The following AKAP12 variants were observed in gnomAD, a reference collection of about 807,000 sequenced individuals.
AKAP12 encodes A-kinase anchoring protein 12.
Under a neutral mutation model 79.9 loss-of-function variants are expected in AKAP12, and 32 were observed. The ratio of observed to expected loss-of-function variants is 0.40; its 90% CI spans 0.30 to 0.54. The LOEUF is 0.54. Ranked by LOEUF, AKAP12 falls within the 20% of genes least tolerant of loss-of-function variation. AKAP12 has a pLI of 0.48. For synonymous variants in AKAP12, 808 were observed against 857.0 expected, an observed-to-expected ratio of 0.94 and a Z score of 1.00; for missense variants, 2,074 against 2,177.0, an observed-to-expected ratio of 0.95 and a Z score of 0.94.
At chr6:151,311,043 A>G (rs1300249260) in intron 3 of AKAP12, among the ~76,000 whole-genome samples, 4 of 152,100 alleles carry the variant, frequency 2.6e-5, no homozygotes, top group Non-Finnish European at 5.9e-5. Context: ...TCATGGTTCG[A>G]CGTAGCCTCA....
chr6:151,258,232 A>G (rs947288365), intron 2 of AKAP12, among the ~76,000 whole-genome samples: 21 of 152,246 alleles, frequency 1.4e-4, no homozygotes, highest in Admixed American at 1.3e-3. Context: ...GGAAGGTCAC[A>G]CAGAGCCTTC....
chr6:151,297,019 G>GTTT lies in AKAP12; in HGVS notation c.163-8713_163-8711dup, dbSNP rs36046672. On this transcript the variant is annotated intron_variant, in intron 2 of 4. Coordinates refer to ENST00000402676, the MANE Select transcript of AKAP12 (RefSeq NM_005100.4). The stretch of plus-strand genomic sequence containing the variant: ...TGTATGCCTAGGTTGAAATAAAAGG[G>GTTT]TTTTTTTTTTTTTTTTTGCCAGTCT... Among the ~76,000 whole-genome samples the GTTT allele has an allele frequency of 7.9e-3, 1,004 of 127,628 alleles. 22 individuals are homozygous for GTTT. The highest frequency in any genetic ancestry group is 0.025 in the African/African-American group (893 of 35,034). 83.7% of individuals were successfully genotyped at this position (127,628 alleles called of 152,430 possible).
At chr6:151,282,054 C>A (rs912596000) in intron 2 of AKAP12, among the ~76,000 whole-genome samples, 3 of 151,620 alleles carry the variant, frequency 2.0e-5, no homozygotes, top group Non-Finnish European at 4.4e-5. Context: ...CCTCTTCCCC[C>A]TCCTGTTCCC....
chr6:151,288,079 G>C (rs1293072981), intron 2 of AKAP12, among the ~76,000 whole-genome samples: 10 of 152,050 alleles, frequency 6.6e-5, no homozygotes, highest in African/African-American at 2.4e-4. Context: ...TGGGGGGCTA[G>C]GGGAGGGATG....
chr6:151,270,356 C>T (rs554638328), intron 2 of AKAP12, among the ~76,000 whole-genome samples: 3 of 152,348 alleles, frequency 2.0e-5, no homozygotes, highest in African/African-American at 7.2e-5. Context: ...CTGAGCCCAG[C>T]TGGTTTTTTA....
chr6:151,336,631 G>C (rs1269309890), intron 3 of AKAP12, among the ~76,000 whole-genome samples: 1 of 152,128 alleles, frequency 6.6e-6, no homozygotes, highest in East Asian at 1.9e-4. Flanking sequence ...TGTAATCCTA[G>C]CTACTCGGGA....
rs866494011 is a variant in AKAP12 at position 151,323,510 on chromosome 6, G to A, written c.319+17607G>A. ...AGAGGTTGCAATGAGCCGAGATCGC[G>A]TCATTGCACCCCAGCCTGGGTGACA... On this transcript the variant is annotated intron_variant, in intron 3 of 4. Transcript: ENST00000402676. Among the ~76,000 whole-genome samples, 12 of 150,986 alleles carry A rather than the reference G, an allele frequency of 7.9e-5. No homozygotes were observed. The South Asian group carries it at 1.7e-3, about 21-fold the overall frequency.
intron 2 of AKAP12, among the ~76,000 whole-genome samples, chr6:151,283,646 C>G (rs900916732): frequency 2.6e-5 from 4 of 152,166 alleles, no homozygotes; most frequent in Admixed American, 2.6e-4. Context: ...AGGAACCTTA[C>G]AGGTAGGGCC....
intron 3 of AKAP12, among the ~76,000 whole-genome samples, chr6:151,328,657 A>C (rs1229965229): frequency 6.6e-6 from 1 of 151,944 alleles, no homozygotes; most frequent in Non-Finnish European, 1.5e-5. Flanking sequence ...AAAAAAATTA[A>C]ATTGACAGTA....
At chr6:151,337,646 T>C (rs528530486) in intron 3 of AKAP12, among the ~76,000 whole-genome samples, 44 of 152,302 alleles carry the variant, frequency 2.9e-4, no homozygotes, top group African/African-American at 1.0e-3. Context: ...TTGTCAACAT[T>C]TTCCCTCGCT....
chr6:151,245,191 C>T (rs1049850945), intron 2 of AKAP12, among the ~76,000 whole-genome samples: 1 of 152,050 alleles, frequency 6.6e-6, no homozygotes, highest in African/African-American at 2.4e-5. Context: ...CAGGAAAACT[C>T]AAACTAAATG....
At chr6:151,282,123 G>A (rs1332878495) in intron 2 of AKAP12, among the ~76,000 whole-genome samples, 9 of 150,280 alleles carry the variant, frequency 6.0e-5, no homozygotes, top group East Asian at 2.0e-4. Context: ...TTGCTCTGTC[G>A]CCCAGGCTGG....
At chr6:151,322,914 C>CTATG (rs1562738641) in intron 3 of AKAP12, among the ~76,000 whole-genome samples, 1 of 152,246 alleles carries the variant, frequency 6.6e-6, no homozygotes, top group Non-Finnish European at 1.5e-5. Flanking sequence ...TATCATCCAT[C>CTATG]TATGTATTAT....
chr6:151,349,864 A>AC lies in AKAP12; in HGVS notation c.1479dup (p.Glu494ArgfsTer6). ...GTCCTGATGAGAAGGTGCTGTCCAA[A>AC]CCCCCCGAAGGCGTTGTGAGTGAGG... is the stretch of plus-strand genomic sequence containing the variant. On this transcript the variant is annotated frameshift_variant, in exon 4 of 5. Transcript: ENST00000402676. LOFTEE classifies it high-confidence loss of function. The AC allele has an allele frequency of 6.2e-7, 1 of 1,614,092 alleles. No individual in the cohort carries two copies. The highest frequency in any genetic ancestry group is 8.5e-7 in the Non-Finnish European group (1 of 1,180,024).
intron 3 of AKAP12, among the ~76,000 whole-genome samples, chr6:151,333,740 A>C (rs1455418053): frequency 5.2e-5 from 2 of 38,154 alleles, no homozygotes; most frequent in African/African-American, 4.4e-4. Flanking sequence ...CTGTGACTTC[A>C]AAAAAAAAAA....
At chr6:151,299,863 A>C (rs1776820705) in intron 2 of AKAP12, among the ~76,000 whole-genome samples, 1 of 152,060 alleles carries the variant, frequency 6.6e-6, no homozygotes, top group South Asian at 2.1e-4. Context: ...TCCTGGCTTA[A>C]AGCCATCCTC....
At chr6:151,263,890 T>C (rs1315910018) in intron 2 of AKAP12, among the ~76,000 whole-genome samples, 1 of 152,216 alleles carries the variant, frequency 6.6e-6, no homozygotes, top group African/African-American at 2.4e-5. Context: ...TTGAGAGATC[T>C]TACCGATGTT....
Position 151,352,067 on chromosome 6 carries a change from A to G in AKAP12, c.3676A>G (p.Ser1226Gly), listed in dbSNP as rs1177072104. The G allele has an allele frequency of 6.2e-7, 1 of 1,614,162 alleles. No homozygotes were observed. The highest frequency in any genetic ancestry group is 1.1e-5 in the South Asian group (1 of 91,086). ...AQKERPPAPS[S>G]FVFQEETKEQ... ...GAAAGAGAGGCCTCCAGCACCTTCCAGTTTTGTGTTCCAGGAAGAAACTAA... is the reference window on the plus strand; with the variant it reads ...GAAAGAGAGGCCTCCAGCACCTTCCGGTTTTGTGTTCCAGGAAGAAACTAA... The change falls in exon 4 of 5, where the codon AGT becomes GGT. Residue 1226 changes from serine (S) to glycine (G), a missense_variant. Coordinates refer to ENST00000402676, the MANE Select transcript of AKAP12 (RefSeq NM_005100.4).
intron 3 of AKAP12, 70 bp from the exon 4 acceptor site, chr6:151,348,641 A>G (rs1204194635): frequency 2.5e-6 from 3 of 1,206,006 alleles, no homozygotes; most frequent in Non-Finnish European, 3.4e-6. Flanking sequence ...CCTGTCGGAG[A>G]AAAACAATTT....
Sources: gnomAD v4.1 joint callset for allele counts (sites outside exome capture counted in the v4.1 genomes callset) on GRCh38, gnomAD v4.1.1 for gene constraint, MANE v1.5 for transcripts, NCBI Gene and HGNC (gene_info 2026-07-23, HGNC 2026-07-21) for gene names.